RGS12: variants seen among roughly 807,000 people sequenced by gnomAD.
RGS12 encodes regulator of G protein signaling 12.
Under a neutral mutation model 120.1 loss-of-function variants are expected in RGS12, and 66 were observed. The observed-to-expected ratio is 0.55, with a 90% CI of 0.45 to 0.67. The LOEUF is 0.67. Ranked by LOEUF, RGS12 falls within the 30% of genes least tolerant of loss-of-function variation. The pLI is 0.00. For missense variants in RGS12, 1,859 were observed against 1,957.7 expected (o/e 0.95, Z 0.95); for synonymous variants, 827 against 804.7 (o/e 1.03, Z -0.47).
chr4:3,413,588 C>T (rs1329426086), intron 4 of RGS12: 1 of 155,034 alleles, frequency 6.5e-6, no homozygotes, highest in Non-Finnish European at 1.4e-5. Context: ...GGACGTAACT[C>T]ACGTGGCATA....
At chr4:3,327,874 C>G (rs1202504952) in intron 2 of RGS12, among the ~76,000 whole-genome samples, 2 of 152,196 alleles carry the variant, frequency 1.3e-5, no homozygotes, top group Non-Finnish European at 2.9e-5. Flanking sequence ...AGCCAGCAAT[C>G]CTACTACTGG....
Position 3,374,001 on chromosome 4 carries a change from G to A in RGS12, c.1999-12415G>A, listed in dbSNP as rs948048298. 2.6e-5 allele frequency among the ~76,000 whole-genome samples: 4 copies of A among 152,126 alleles called. No homozygotes were observed. The highest frequency in any genetic ancestry group is 4.8e-5 in the African/African-American group (2 of 41,404). ...ACATAGTCAGAGGTGTATCCTTCTC[G>A]GGCCAAAAACCCCCAGCCCTTTCCC... On this transcript the variant is annotated intron_variant, in intron 3 of 17. Transcript: ENST00000336727. This position sits in a 1 kb window ranked among gnomAD's most constrained non-coding sequence, Gnocchi z 6.3.
intron 4 of RGS12, among the ~76,000 whole-genome samples, chr4:3,398,094 A>G (rs186776997): frequency 1.3e-5 from 2 of 152,340 alleles, no homozygotes; most frequent in East Asian, 3.9e-4. Flanking sequence ...ATCGGACAAT[A>G]CCTGGTACAT....
At chr4:3,408,645 G>C (rs1721411036) in intron 4 of RGS12, among the ~76,000 whole-genome samples, 1 of 152,184 alleles carries the variant, frequency 6.6e-6, no homozygotes, top group Non-Finnish European at 1.5e-5. Flanking sequence ...GGGTCCACGT[G>C]CCCAGCAGGT....
At chr4:3,330,776 C>A (rs1412396116) in intron 2 of RGS12, among the ~76,000 whole-genome samples, 2 of 152,128 alleles carry the variant, frequency 1.3e-5, no homozygotes, top group African/African-American at 2.4e-5. Context: ...GGAGGCTCCA[C>A]CCTCCTCAGG....
In RGS12 at chr4:3,425,334, C is replaced by T. The variant is rs1723494904; in HGVS notation, c.3235-130C>T. The T allele has an allele frequency of 9.9e-6, 8 of 807,994 alleles. No homozygotes were observed. The Admixed American group carries it at 1.5e-4, about 15-fold the overall frequency. The allele number at this position is 807,994 out of a possible 1,614,324, so 50.1% of individuals were successfully genotyped here. A position where few individuals can be genotyped will look rare whatever the true frequency, so the allele number is the denominator to read the frequency against. ...GCTTGTGTGCCTCAGTCAGGCAGGCCTCACCTCGGGGCCATCTCCTGCGTG... is the reference window on the plus strand; with the variant it reads ...GCTTGTGTGCCTCAGTCAGGCAGGCTTCACCTCGGGGCCATCTCCTGCGTG... On this transcript the variant is annotated intron_variant, in intron 13 of 17. Transcript: ENST00000336727.
At chr4:3,369,925 C>T (rs887023295) in intron 3 of RGS12, 5 of 769,564 alleles carry the variant, frequency 6.5e-6, no homozygotes, top group South Asian at 4.9e-5. Flanking sequence ...AACTGCACCA[C>T]GATGCTAAAA....
At chr4:3,392,210 C>A (rs1021070238) in intron 4 of RGS12, among the ~76,000 whole-genome samples, 1 of 152,118 alleles carries the variant, frequency 6.6e-6, no homozygotes, top group South Asian at 2.1e-4. Flanking sequence ...CTTCCCCTAC[C>A]CCCAGGCTAG....
rs541101003 is a variant in RGS12 at position 3,431,423 on chromosome 4, G to A, written c.4114+468G>A. On this transcript the variant is annotated intron_variant, in intron 17 of 17. Transcript: ENST00000336727. ...GGAGAGGGCTCCCAGACACAGGCCC[G>A]TCCTCGGAAGAGCCTTGAGAGTGCA... The A allele has an allele frequency of 9.3e-3, 9,266 of 998,480 alleles. 50 individuals are homozygous for A. The highest frequency in any genetic ancestry group is 0.011 in the Non-Finnish European group (8,853 of 837,826). The allele number at this position is 998,480 out of a possible 1,614,324, so 61.9% of individuals were successfully genotyped here.
chr4:3,303,177 T>C (rs539386104), intron 1 of RGS12, among the ~76,000 whole-genome samples: 2 of 152,006 alleles, frequency 1.3e-5, no homozygotes, highest in South Asian at 4.2e-4. Context: ...GACAGGTGCT[T>C]GGGCAGGGAT....
Position 3,372,079 on chromosome 4 carries a change from T to C in RGS12, c.1999-14337T>C, listed in dbSNP as rs998015418. On this transcript the variant is annotated intron_variant, in intron 3 of 17. Transcript: ENST00000336727. The surrounding 1 kb of genome is among the most constrained non-coding windows in gnomAD (Gnocchi z 4.3). ...CACCTAATCGGGGCACCTCATCCTGTTTCATAAACCATGTGGCGTCAGGTG... is the reference window on the plus strand; with the variant it reads ...CACCTAATCGGGGCACCTCATCCTGCTTCATAAACCATGTGGCGTCAGGTG... Among the ~76,000 whole-genome samples the C allele has an allele frequency of 6.6e-6, 1 of 152,186 alleles. No individual in the cohort carries two copies. The highest frequency in any genetic ancestry group is 1.5e-5 in the Non-Finnish European group (1 of 68,034).
At chr4:3,420,839 G>C in intron 10 of RGS12, 121 bp downstream of exon 10, 1 of 918,470 alleles carries the variant, frequency 1.1e-6, no homozygotes, top group Non-Finnish European at 1.6e-6. Flanking sequence ...TGTAAAGCTG[G>C]GGGACAAGGC....
In RGS12 at chr4:3,343,273, C is replaced by T. The variant is rs1304858373; in HGVS notation, c.1998+220C>T. 2.2e-5 allele frequency: 11 copies of T among 491,322 alleles called. No homozygotes were observed. The Admixed American group carries it at 3.6e-4, about 16-fold the overall frequency. The allele number at this position is 491,322 out of a possible 1,614,324, so 30.4% of individuals were successfully genotyped here. On this transcript the variant is annotated intron_variant, in intron 3 of 17. Transcript: ENST00000336727. ...CTGTCACAGGGCTTTCTGGGGTGCTCTTCTGTGTGCCAGACTCCAGTGAAC... is the reference window on the plus strand; with the variant it reads ...CTGTCACAGGGCTTTCTGGGGTGCTTTTCTGTGTGCCAGACTCCAGTGAAC...
intron 3 of RGS12, among the ~76,000 whole-genome samples, chr4:3,381,457 G>A (rs1578876904): frequency 6.6e-6 from 1 of 152,158 alleles, no homozygotes; most frequent in Non-Finnish European, 1.5e-5. Context: ...CCTGGGACTG[G>A]GTAATTTATA....
At chr4:3,339,694 C>T (rs1306660429) in intron 2 of RGS12, among the ~76,000 whole-genome samples, 4 of 152,118 alleles carry the variant, frequency 2.6e-5, no homozygotes, top group Non-Finnish European at 1.5e-5. Flanking sequence ...TTATCCTTGC[C>T]ACAAGGATCA....
chr4:3,307,166 C>T (rs891648680), intron 1 of RGS12, among the ~76,000 whole-genome samples: 1 of 152,234 alleles, frequency 6.6e-6, no homozygotes, highest in African/African-American at 2.4e-5. Flanking sequence ...CCGCTGGCTG[C>T]TTTTCTGGTC....
chr4:3,393,526 TG>T (rs1214097665), intron 4 of RGS12, among the ~76,000 whole-genome samples: 1 of 152,162 alleles, frequency 6.6e-6, no homozygotes, highest in Non-Finnish European at 1.5e-5. Flanking sequence ...CTGTGGTTCA[TG>T]GAGTGCCTCT....
rs1713381843 is a variant in RGS12 at position 3,342,859 on chromosome 4, C to T, written c.1882-78C>T. On this transcript the variant is annotated intron_variant, in intron 2 of 17. Transcript: ENST00000336727. ...TTGTTCCACAGTATTCCTTGATTTT[C>T]TGCTATGCCATGCATTGGACAAGAC... 4.3e-6 allele frequency: 4 copies of T among 939,426 alleles called. No homozygotes were observed. The East Asian group carries it at 9.6e-5, about 23-fold the overall frequency. The allele number at this position is 939,426 out of a possible 1,614,324, so 58.2% of individuals were successfully genotyped here.
intron 4 of RGS12, among the ~76,000 whole-genome samples, chr4:3,393,350 A>G (rs1444780788): frequency 6.6e-6 from 1 of 152,086 alleles, no homozygotes; most frequent in Admixed American, 6.5e-5. Context: ...TCGGCTGTGC[A>G]TGCACAGCTT....
Sources: gnomAD v4.1 joint callset for allele counts (sites outside exome capture counted in the v4.1 genomes callset) on GRCh38, gnomAD v4.1.1 for gene constraint, Gnocchi (gnomAD v3.1) non-coding constraint, MANE v1.5 for transcripts, NCBI Gene and HGNC (gene_info 2026-07-23, HGNC 2026-07-21) for gene names.